Variants in FOXP2 observed in about 807,000 individuals in gnomAD.
FOXP2 encodes forkhead box protein P2.
Under a neutral mutation model 115.8 loss-of-function variants are expected in FOXP2, and 12 were observed. The observed-to-expected ratio is 0.10, with a 90% CI of 0.07 to 0.17. The LOEUF (loss-of-function observed/expected upper bound fraction) is 0.17, where lower values mean the gene tolerates loss of function less well. FOXP2 is among the 10% of genes least tolerant of loss of function. FOXP2 has a pLI of 1.00. For missense variants in FOXP2, 629 were observed against 843.5 expected, an observed-to-expected ratio of 0.75 and a Z score of 3.15; for synonymous variants, 328 against 297.7, an observed-to-expected ratio of 1.10 and a Z score of -1.05.
At chr7:114,678,826 A>G (rs1478683756) in intron 16 of FOXP2, among the ~76,000 whole-genome samples, 2 of 151,888 alleles carry the variant, frequency 1.3e-5, no homozygotes, top group Non-Finnish European at 2.9e-5. Flanking sequence ...ATTTGCTTTC[A>G]TTGTTCTTGA....
intron 16 of FOXP2, among the ~76,000 whole-genome samples, chr7:114,689,310 A>G (rs898560047): frequency 6.6e-6 from 1 of 152,094 alleles, no homozygotes; most frequent in African/African-American, 2.4e-5. Context: ...AATCTAGCTT[A>G]TACTGGAGAG....
intron 3 of FOXP2, among the ~76,000 whole-genome samples, chr7:114,618,116 T>G (rs773385087): frequency 6.6e-6 from 1 of 152,226 alleles, no homozygotes; most frequent in African/African-American, 2.4e-5. Context: ...ATTCTTCCTG[T>G]GCATTCTCCT....
intron 2 of FOXP2, among the ~76,000 whole-genome samples, chr7:114,384,809 A>G (rs1792401462): frequency 6.6e-6 from 1 of 151,716 alleles, no homozygotes; most frequent in Non-Finnish European, 1.5e-5. Context: ...TCTAAAAGTT[A>G]CTTTTCTACT....
At chr7:114,225,332 T>C (rs1794720464) in intron 1 of FOXP2, among the ~76,000 whole-genome samples, 2 of 151,944 alleles carry the variant, frequency 1.3e-5, no homozygotes, top group African/African-American at 4.8e-5. Context: ...TCTTTCCTTT[T>C]TTGAGTTAGG....
Position 114,207,408 on chromosome 7 carries a change from AAGG to A in FOXP2, c.-102+44323_-102+44325del, listed in dbSNP as rs1192974331. ...CATTTTAAAATCCCACCATCACTGT[AAGG>A]AGATTTTAGCTATCCTAAGTGGGTA... On this transcript the variant is annotated intron_variant, in intron 1 of 17. Transcript: ENST00000634411. 1.7e-4 allele frequency among the ~76,000 whole-genome samples: 26 copies of A among 152,334 alleles called. No individual in the cohort carries two copies. In the South Asian group the frequency reaches 5.4e-3, roughly 32 times the overall value.
chr7:114,601,588 CA>C (rs1803028346), intron 3 of FOXP2, among the ~76,000 whole-genome samples: 2 of 152,030 alleles, frequency 1.3e-5, no homozygotes, highest in Non-Finnish European at 2.9e-5. Flanking sequence ...ATCAATTTTT[CA>C]GCCTTTCTTT....
intron 1 of FOXP2, among the ~76,000 whole-genome samples, chr7:114,186,147 A>T (rs1793599880): frequency 6.6e-6 from 1 of 152,136 alleles, no homozygotes; most frequent in Non-Finnish European, 1.5e-5. Flanking sequence ...GACGGGACGT[A>T]TGTTCAAACC....
intron 1 of FOXP2, among the ~76,000 whole-genome samples, chr7:114,271,612 A>G (rs1449093140): frequency 8.1e-6 from 1 of 123,962 alleles, no homozygotes; most frequent in African/African-American, 3.1e-5. Context: ...ATTAATATAT[A>G]ATAAATAATT....
chr7:114,488,910 G>C (rs1584798280), intron 2 of FOXP2, among the ~76,000 whole-genome samples: 1 of 152,056 alleles, frequency 6.6e-6, no homozygotes, highest in Non-Finnish European at 1.5e-5. Context: ...CAGGAAACAG[G>C]CTTAAGAAAA....
upstream of FOXP2, among the ~76,000 whole-genome samples, chr7:114,411,884 C>G (rs919872777): frequency 5.9e-5 from 9 of 152,030 alleles, no homozygotes; most frequent in Non-Finnish European, 1.3e-4. Flanking sequence ...TGGGGGAAAA[C>G]AAGATTAGTT....
At chr7:114,226,271 T>A (rs539940443) in intron 1 of FOXP2, among the ~76,000 whole-genome samples, 1 of 152,294 alleles carries the variant, frequency 6.6e-6, no homozygotes, top group East Asian at 1.9e-4. Context: ...TTTCCTTTGG[T>A]ACCCCAAATA....
At chr7:114,287,002 C>T (rs1485830007) in intron 1 of FOXP2, among the ~76,000 whole-genome samples, 1 of 152,026 alleles carries the variant, frequency 6.6e-6, no homozygotes, top group East Asian at 1.9e-4. Context: ...GCCAGTCATC[C>T]TTTTCAATGC....
chr7:114,484,378 T>A (rs1476128051), intron 2 of FOXP2, among the ~76,000 whole-genome samples: 1 of 151,850 alleles, frequency 6.6e-6, no homozygotes, highest in Non-Finnish European at 1.5e-5. Flanking sequence ...TCTTAACCTT[T>A]TAGTGCATGA....
At chr7:114,231,553 A>T (rs1211341949) in intron 1 of FOXP2, among the ~76,000 whole-genome samples, 1 of 152,184 alleles carries the variant, frequency 6.6e-6, no homozygotes, top group Non-Finnish European at 1.5e-5. Flanking sequence ...GAAACCCCAG[A>T]AATAAAATAA....
chr7:114,143,469 G>A (rs1178935788), intron 1 of FOXP2, among the ~76,000 whole-genome samples: 1 of 151,942 alleles, frequency 6.6e-6, no homozygotes, highest in Non-Finnish European at 1.5e-5. Flanking sequence ...CCCACCCCCA[G>A]TCTATTTGGA....
intron 3 of FOXP2, among the ~76,000 whole-genome samples, chr7:114,564,622 A>G (rs1377477941): frequency 1.3e-5 from 2 of 152,006 alleles, no homozygotes; most frequent in African/African-American, 4.8e-5. Context: ...GCTCATACCT[A>G]TAATCTCAGC....
At chr7:114,380,200 T>A (rs533915796) in intron 2 of FOXP2, among the ~76,000 whole-genome samples, 1 of 152,352 alleles carries the variant, frequency 6.6e-6, no homozygotes, top group South Asian at 2.1e-4. Context: ...AATTTCCTAA[T>A]GGCTTCCTAA....
In FOXP2 at chr7:114,631,709, C is replaced by A; in HGVS notation, c.775+4C>A. 6.2e-7 allele frequency: 1 copy of A among 1,613,812 alleles called. No homozygotes were observed. Among genetic ancestry groups the A allele is most frequent in the Non-Finnish European group, 8.5e-7 (1 of 1,179,794 alleles). ...CCTGTCCAATCGCTGCCTCAAGGTA[C>A]ATACAAAATGTTGTGCACTCTTCAT... On this transcript the variant is annotated splice_donor_region_variant and intron_variant, in intron 6 of 16. Coordinates refer to ENST00000350908, the MANE Select transcript of FOXP2 (RefSeq NM_014491.4).
At chr7:114,456,873 C>A (rs142311639) in intron 2 of FOXP2, among the ~76,000 whole-genome samples, 1 of 151,480 alleles carries the variant, frequency 6.6e-6, no homozygotes, top group African/African-American at 2.4e-5. Flanking sequence ...CATTTTGGAA[C>A]AGCATAGATG....
Sources: gnomAD v4.1 joint callset for allele counts (sites outside exome capture counted in the v4.1 genomes callset) on GRCh38, gnomAD v4.1.1 for gene constraint, MANE v1.5 for transcripts, NCBI Gene and HGNC (gene_info 2026-07-23, HGNC 2026-07-21) for gene names.